Variants in PLB1 observed in about 807,000 individuals in gnomAD.
The protein encoded by PLB1 is phospholipase B1, also known as phospholipase B1, membrane-associated.
Under a neutral mutation model 227.4 loss-of-function variants are expected in PLB1, and 242 were observed. The ratio of observed to expected loss-of-function variants is 1.06; its 90% confidence interval spans 0.96 to 1.18. PLB1 has a LOEUF of 1.18. PLB1 is among the 50% of genes most tolerant of loss of function. The pLI is 0.00. For missense variants in PLB1, 1,858 were observed against 1,816.3 expected, an observed-to-expected ratio of 1.02 and a Z score of -0.42; for synonymous variants, 757 against 682.2, an observed-to-expected ratio of 1.11 and a Z score of -1.71.
chr2:28,605,087 A>T (rs1427386445), intron 41 of PLB1, among the ~76,000 whole-genome samples: 3 of 152,178 alleles, frequency 2.0e-5, no homozygotes, highest in African/African-American at 7.2e-5. Context: ...CCTTCCTAAG[A>T]TCATTTAGGA....
At chr2:28,545,342 T>A in intron 14 of PLB1, among the ~76,000 whole-genome samples, 1 of 152,004 alleles carries the variant, frequency 6.6e-6, no homozygotes, top group East Asian at 1.9e-4. Flanking sequence ...TCCCCAAGCA[T>A]CCCCAGTCCC....
chr2:28,565,914 A>C (rs1056482376), intron 19 of PLB1, among the ~76,000 whole-genome samples: 7 of 152,192 alleles, frequency 4.6e-5, no homozygotes, highest in African/African-American at 1.7e-4. Context: ...ATGAGGAAAC[A>C]AGGCTCAGAG....
chr2:28,591,374 C>A (rs1172320440), intron 30 of PLB1, among the ~76,000 whole-genome samples: 1 of 152,242 alleles, frequency 6.6e-6, no homozygotes, highest in Admixed American at 6.5e-5. Flanking sequence ...AACCCAATCA[C>A]AGCTTCACTG....
intron 20 of PLB1, among the ~76,000 whole-genome samples, 173 bp downstream of exon 20, chr2:28,567,012 C>G (rs1677056080): frequency 7.3e-6 from 1 of 137,258 alleles, no homozygotes; most frequent in Non-Finnish European, 1.5e-5. Context: ...CCGACAGTGA[C>G]GAAAGCCTTA....
At chr2:28,602,244 G>A (rs13003761) in intron 38 of PLB1, among the ~76,000 whole-genome samples, 79,803 of 152,088 alleles carry the variant, frequency 0.52, 21,462 homozygotes, top group East Asian at 0.89. Flanking sequence ...ACTACTATCC[G>A]GGACATTTTC....
intron 1 of PLB1, 112 bp from the exon 2 acceptor site, chr2:28,516,696 C>T (rs1208723245): frequency 3.3e-6 from 3 of 914,426 alleles, no homozygotes; most frequent in Non-Finnish European, 5.3e-6. Flanking sequence ...ACACAGTGGA[C>T]ATTACTGAGC....
At position 28,529,309 on chromosome 2, in the gene PLB1, CT is replaced by C. The variant is rs1447760955; in HGVS notation, c.326-7del. 3 of 1,597,846 alleles carry C rather than the reference CT, an allele frequency of 1.9e-6. No individual in the cohort carries two copies. The African/African-American group carries it at 4.0e-5, about 21-fold the overall frequency. Reference sequence around the variant, plus strand: ...AAGGCCAGGGCCTCAAACCAGTTCTCTCTTTAGTCCTTTCAGACATCATCAG... The same window carrying C: ...AAGGCCAGGGCCTCAAACCAGTTCTCCTTTAGTCCTTTCAGACATCATCAG... On this transcript the variant is annotated splice_polypyrimidine_tract_variant and splice_region_variant and intron_variant, in intron 6 of 57. Coordinates refer to ENST00000327757, the MANE Select transcript of PLB1 (RefSeq NM_153021.5).
chr2:28,625,140 G>A (rs1357546693), intron 50 of PLB1, 32 bp downstream of exon 50: 1 of 1,597,088 alleles, frequency 6.3e-7, no homozygotes, highest in Non-Finnish European at 8.6e-7. Flanking sequence ...ACCCCTGAAA[G>A]GTGCCCATCT....
chr2:28,568,208 G>C (rs886853289), intron 20 of PLB1, among the ~76,000 whole-genome samples: 2 of 152,220 alleles, frequency 1.3e-5, no homozygotes, highest in Non-Finnish European at 2.9e-5. Flanking sequence ...CTATTGCTAG[G>C]AGATGGTTCA....
chr2:28,510,805 T>TGTGTGTGTGTGTGTGTG (rs1553398016), intron 1 of PLB1, among the ~76,000 whole-genome samples: 1 of 150,682 alleles, frequency 6.6e-6, no homozygotes, highest in African/African-American at 2.4e-5. Flanking sequence ...TGTGTGTGTG[T>TGTGTGTGTGTGTGTGTG]TTTGTAGAGA....
At chr2:28,519,352 G>A (rs935871950) in intron 3 of PLB1, among the ~76,000 whole-genome samples, 5 of 152,202 alleles carry the variant, frequency 3.3e-5, no homozygotes, top group African/African-American at 4.8e-5. Flanking sequence ...CCTCTCATTC[G>A]TGGTGGCCCA....
chr2:28,605,294 G>A (rs768264547), intron 41 of PLB1, among the ~76,000 whole-genome samples: 1 of 152,120 alleles, frequency 6.6e-6, no homozygotes, highest in Admixed American at 6.5e-5. Context: ...ACCAGGTGAG[G>A]ACTGAGGTCT....
chr2:28,520,945 G>A (rs778378866), intron 4 of PLB1, among the ~76,000 whole-genome samples: 3 of 151,988 alleles, frequency 2.0e-5, no homozygotes, highest in Non-Finnish European at 2.9e-5. Context: ...ATTGCACTCC[G>A]GCCTGGGAAA....
At chr2:28,560,550 G>T (rs961830275) in intron 17 of PLB1, among the ~76,000 whole-genome samples, 23 of 152,186 alleles carry the variant, frequency 1.5e-4, no homozygotes, top group Admixed American at 8.5e-4. Context: ...GGAGGCTGAG[G>T]TGGGAGGATC....
In PLB1 at chr2:28,613,564, C is replaced by G. The variant is rs186700962; in HGVS notation, c.3130-467C>G. Among the ~76,000 whole-genome samples the G allele has an allele frequency of 2.6e-5, 4 of 151,872 alleles. No homozygotes were observed. In the East Asian group the frequency reaches 5.8e-4, roughly 22 times the overall value. On this transcript the variant is annotated intron_variant, in intron 43 of 57. Coordinates refer to ENST00000327757, the MANE Select transcript of PLB1 (RefSeq NM_153021.5). ...GTGTTTTACAAGAAAAAAAAAATGA[C>G]TAAGATACAGGAACCCAACCTAAAG... is the stretch of plus-strand genomic sequence containing the variant.
At chr2:28,528,637 C>G (rs986271209) in intron 6 of PLB1, among the ~76,000 whole-genome samples, 3 of 152,216 alleles carry the variant, frequency 2.0e-5, no homozygotes, top group Admixed American at 6.5e-5. Context: ...CCCTGGGCAG[C>G]TCGCTTGATT....
intron 14 of PLB1, among the ~76,000 whole-genome samples, chr2:28,545,147 C>T (rs541612602): frequency 9.2e-5 from 14 of 152,258 alleles, no homozygotes; most frequent in Non-Finnish European, 1.6e-4. Context: ...CAAAGGCCTG[C>T]GACACAGAGA....
At position 28,554,489 on chromosome 2, in the gene PLB1, CTTTTTTTTTTTTTTTTTTTTT is replaced by C. The variant is rs536476788; in HGVS notation, c.1147+1507_1147+1527del. Among the ~76,000 whole-genome samples, 3 of 85,474 alleles carry C rather than the reference CTTTTTTTTTTTTTTTTTTTTT, an allele frequency of 3.5e-5. No individual in the cohort carries two copies. In the East Asian group the frequency reaches 1.4e-3, roughly 40 times the overall value. 56.1% of individuals were successfully genotyped at this position (85,474 alleles called of 152,430 possible). On this transcript the variant is annotated intron_variant, in intron 17 of 57. Transcript: ENST00000327757. ...CTACAGGCATTATCACCACACCTGC[CTTTTTTTTTTTTTTTTTTTTT>C]TTTTTTTTAAGAGATGGGGTCTTAT...
rs768728732 is a variant in PLB1 at position 28,582,160 on chromosome 2, C to A, written c.1632+27C>A. On this transcript the variant is annotated intron_variant, in intron 24 of 57. Coordinates refer to ENST00000327757, the MANE Select transcript of PLB1 (RefSeq NM_153021.5). Reference sequence around the variant, plus strand: ...TACGGAGGCTAGGCCATGAGGCCTGCATCTTAGACCTCAGACCTAGCCTAG... The same window carrying A: ...TACGGAGGCTAGGCCATGAGGCCTGAATCTTAGACCTCAGACCTAGCCTAG... 5 of 1,598,586 alleles carry A rather than the reference C, an allele frequency of 3.1e-6. No individual in the cohort carries two copies. The African/African-American group carries it at 6.7e-5, about 21-fold the overall frequency.
Sources: allele counts gnomAD v4.1 joint callset (sites outside exome capture counted in the v4.1 genomes callset), GRCh38; gene constraint gnomAD v4.1.1; transcripts MANE v1.5; gene names NCBI Gene and HGNC (gene_info 2026-07-23, HGNC 2026-07-21).